Variants in PXDNL observed in about 807,000 individuals in gnomAD.
PXDNL encodes the protein probable oxidoreductase PXDNL.
A neutral mutation model predicts 150.8 loss-of-function variants in PXDNL; 145 were observed. The ratio of observed to expected loss-of-function variants is 0.96; its 90% CI spans 0.84 to 1.10. The LOEUF (loss-of-function observed/expected upper bound fraction) is 1.10, where lower values mean the gene tolerates loss of function less well. Ranked by LOEUF, PXDNL falls within the 50% of genes least tolerant of loss-of-function variation. The probability of loss-of-function intolerance (pLI) is 0.00; values close to 1 mark genes in which losing one functional copy is unlikely to be tolerated. For synonymous variants in PXDNL, 757 were observed against 725.7 expected (o/e 1.04, Z -0.69); for missense variants, 2,087 against 1,873.9 (o/e 1.11, Z -2.10).
At chr8:51,743,229 T>C (rs1357163919) in intron 1 of PXDNL, among the ~76,000 whole-genome samples, 1 of 152,020 alleles carries the variant, frequency 6.6e-6, no homozygotes, top group Admixed American at 6.6e-5. Context: ...TTTGTTTTTG[T>C]TTTTTTGAGA....
intron 8 of PXDNL, among the ~76,000 whole-genome samples, chr8:51,459,454 G>A (rs543583637): frequency 1.2e-4 from 18 of 152,266 alleles, no homozygotes; most frequent in African/African-American, 3.1e-4. Flanking sequence ...GCTACCAGAT[G>A]TGTATGTGCT....
At position 51,441,855 on chromosome 8, in the gene PXDNL, G is replaced by A. The variant is rs56333614; in HGVS notation, c.1525+5149C>T. Among the ~76,000 whole-genome samples, 824 of 152,280 alleles carry A rather than the reference G, an allele frequency of 5.4e-3. 6 individuals are homozygous for A. Among genetic ancestry groups the A allele is most frequent in the African/African-American group, 0.019 (797 of 41,556 alleles). On this transcript the variant is annotated intron_variant, in intron 12 of 22. Coordinates refer to ENST00000356297, the MANE Select transcript of PXDNL (RefSeq NM_144651.5). ...GAAAGACCAAATGCTGGAGCTGGAT[G>A]TCCCACATCAGGGAATAGAGTACTG...
intron 6 of PXDNL, among the ~76,000 whole-genome samples, chr8:51,481,932 G>A (rs548114488): frequency 3.9e-5 from 6 of 152,358 alleles, no homozygotes; most frequent in Middle Eastern, 3.4e-3. Flanking sequence ...TGCCAGGGCA[G>A]TGTGGAAGGG....
intron 3 of PXDNL, among the ~76,000 whole-genome samples, chr8:51,558,213 C>T (rs781637133): frequency 6.6e-6 from 1 of 151,986 alleles, no homozygotes; most frequent in Non-Finnish European, 1.5e-5. Flanking sequence ...TCTACCCAAG[C>T]CTTATAGTAA....
intron 17 of PXDNL, among the ~76,000 whole-genome samples, chr8:51,394,640 T>G (rs1340880475): frequency 2.0e-5 from 3 of 152,210 alleles, no homozygotes; most frequent in Non-Finnish European, 1.5e-5. Flanking sequence ...TAAGTAAATG[T>G]GTCTGACTAT....
chr8:51,369,598 A>T (rs1807031692), intron 19 of PXDNL, among the ~76,000 whole-genome samples: 1 of 151,890 alleles, frequency 6.6e-6, no homozygotes, highest in African/African-American at 2.4e-5. Flanking sequence ...AGGCATATTC[A>T]TATCTTTAGG....
At chr8:51,551,802 A>C (rs754443122) in intron 4 of PXDNL, among the ~76,000 whole-genome samples, 24 of 152,230 alleles carry the variant, frequency 1.6e-4, no homozygotes, top group Non-Finnish European at 2.9e-4. Context: ...AAGCAAATGC[A>C]ACAAAAACAA....
intron 4 of PXDNL, among the ~76,000 whole-genome samples, chr8:51,516,723 T>A (rs1185901848): frequency 1.3e-5 from 2 of 152,212 alleles, no homozygotes; most frequent in East Asian, 3.8e-4. Context: ...ATTGGCTACA[T>A]CGTAAATCAT....
intron 4 of PXDNL, among the ~76,000 whole-genome samples, chr8:51,513,593 C>G (rs1440201823): frequency 6.6e-6 from 1 of 152,216 alleles, no homozygotes; most frequent in Non-Finnish European, 1.5e-5. Flanking sequence ...TAGCATTGGT[C>G]ACTGATGCAC....
At chr8:51,519,485 T>A (rs1456126877) in intron 4 of PXDNL, among the ~76,000 whole-genome samples, 1 of 151,730 alleles carries the variant, frequency 6.6e-6, no homozygotes, top group Admixed American at 6.6e-5. Flanking sequence ...GCGAGCAGAC[T>A]TTGCACCACT....
chr8:51,596,819 G>T (rs1481782157), intron 2 of PXDNL, among the ~76,000 whole-genome samples: 2 of 152,080 alleles, frequency 1.3e-5, no homozygotes, highest in South Asian at 2.1e-4. Context: ...TTTATCGGAT[G>T]CACAGTTTGT....
chr8:51,511,580 G>A (rs1488311230), intron 4 of PXDNL, among the ~76,000 whole-genome samples: 1 of 152,050 alleles, frequency 6.6e-6, no homozygotes, highest in Admixed American at 6.5e-5. Context: ...AGATATGCAG[G>A]GCCTGGAGTA....
intron 5 of PXDNL, among the ~76,000 whole-genome samples, chr8:51,499,003 C>A (rs2130282819): frequency 6.6e-6 from 1 of 152,222 alleles, no homozygotes; most frequent in African/African-American, 2.4e-5. Flanking sequence ...AATGCTGCTG[C>A]AATACAAGAA....
rs186646020 is a variant in PXDNL, at chr8:51,528,569, C to T, written c.380+28271G>A. 3.9e-4 allele frequency among the ~76,000 whole-genome samples: 60 copies of T among 152,170 alleles called. No homozygotes were observed. In the East Asian group the frequency reaches 7.7e-3, roughly 20 times the overall value. On this transcript the variant is annotated intron_variant, in intron 4 of 22. Coordinates refer to ENST00000356297, the MANE Select transcript of PXDNL (RefSeq NM_144651.5). The stretch of plus-strand genomic sequence containing the variant: ...TCCATGACAAAAGGGACTTTGCAGA[C>T]GTGATTAAGATTAAGAGCTTTGAAA...
chr8:51,349,875 T>C (rs1382812797), intron 19 of PXDNL, among the ~76,000 whole-genome samples: 2 of 152,184 alleles, frequency 1.3e-5, no homozygotes, highest in Admixed American at 1.3e-4. Flanking sequence ...AAAATATATC[T>C]GATTTTTATT....
At chr8:51,374,864 C>T (rs1246560311) in intron 17 of PXDNL, 133 bp from the exon 18 acceptor site, 2 of 1,092,468 alleles carry the variant, frequency 1.8e-6, no homozygotes, top group Admixed American at 2.7e-5. Context: ...ACTGTATTCT[C>T]ATTTCATGGG....
chr8:51,334,629 C>T (rs1451338078), intron 21 of PXDNL, among the ~76,000 whole-genome samples: 1 of 152,058 alleles, frequency 6.6e-6, no homozygotes, highest in Admixed American at 6.5e-5. Context: ...AGAAATGAAA[C>T]AGGAGATATT....
intron 2 of PXDNL, among the ~76,000 whole-genome samples, chr8:51,611,351 G>A (rs1813995371): frequency 1.3e-5 from 2 of 152,164 alleles, no homozygotes; most frequent in African/African-American, 2.4e-5. Flanking sequence ...AATGTAACTG[G>A]ATTTATTGTT....
intron 17 of PXDNL, among the ~76,000 whole-genome samples, chr8:51,407,731 G>A (rs1041987704): frequency 2.6e-5 from 4 of 152,040 alleles, no homozygotes; most frequent in Non-Finnish European, 5.9e-5. Flanking sequence ...AATTTATATC[G>A]AATGTATGGC....
Sources: gnomAD v4.1 joint callset for allele counts (sites outside exome capture counted in the v4.1 genomes callset) on GRCh38, gnomAD v4.1.1 for gene constraint, MANE v1.5 for transcripts, NCBI Gene and HGNC (gene_info 2026-07-23, HGNC 2026-07-21) for gene names.